DENND2C: variants seen among roughly 807,000 people sequenced by gnomAD.
The protein encoded by DENND2C is DENN domain-containing protein 2C.
DENND2C carries 72 observed loss-of-function variants against 112.4 expected under a neutral mutation model. That is an observed-to-expected ratio of 0.64 (90% CI 0.53 to 0.78). The LOEUF is 0.78. Ranked by LOEUF, DENND2C falls within the 30% of genes least tolerant of loss-of-function variation. The probability of loss-of-function intolerance (pLI) is 0.00; values close to 1 mark genes in which losing one functional copy is unlikely to be tolerated. For missense variants in DENND2C, 992 were observed against 1,113.8 expected, an observed-to-expected ratio of 0.89 and a Z score of 1.56; for synonymous variants, 329 against 381.6, an observed-to-expected ratio of 0.86 and a Z score of 1.61.
At chr1:114,658,555 T>C (rs1300758296) in intron 1 of DENND2C, among the ~76,000 whole-genome samples, 2 of 152,090 alleles carry the variant, frequency 1.3e-5, no homozygotes, top group Non-Finnish European at 2.9e-5. Flanking sequence ...GAAGACAACA[T>C]TTATTTGAAA....
chr1:114,661,906 C>T (rs915386334), intron 1 of DENND2C, among the ~76,000 whole-genome samples: 6 of 152,140 alleles, frequency 3.9e-5, no homozygotes, highest in Non-Finnish European at 7.4e-5. Flanking sequence ...TTTGGTTCAA[C>T]GACTCACCAT....
intron 1 of DENND2C, among the ~76,000 whole-genome samples, chr1:114,657,744 A>G (rs1657374419): frequency 6.6e-6 from 1 of 152,240 alleles, no homozygotes; most frequent in African/African-American, 2.4e-5. Flanking sequence ...GAGTTTATCC[A>G]AATAGACGAA....
At chr1:114,637,248 AGTCC>A (rs1656682130) in intron 3 of DENND2C, among the ~76,000 whole-genome samples, 1 of 150,734 alleles carries the variant, frequency 6.6e-6, no homozygotes, top group African/African-American at 2.4e-5. Context: ...GAGTAGCTGT[AGTCC>A]CAGCTACTCA....
chr1:114,649,761 A>G (rs1462353435), intron 2 of DENND2C, among the ~76,000 whole-genome samples: 2 of 152,280 alleles, frequency 1.3e-5, no homozygotes, highest in South Asian at 2.1e-4. Flanking sequence ...AATCATTACT[A>G]AAGTATTCAA....
chr1:114,587,795 G>A lies in DENND2C; in HGVS notation c.2589C>T (p.His863=), dbSNP rs1354456816. 3.1e-6 allele frequency: 5 copies of A among 1,614,030 alleles called. No homozygotes were observed. The highest frequency in any genetic ancestry group is 1.3e-5 in the African/African-American group (1 of 74,912). Residue 863 remains histidine (H), a synonymous_variant, in exon 19 of 21, where the codon CAC becomes CAT. Coordinates refer to ENST00000393274, the MANE Select transcript of DENND2C (RefSeq NM_001256404.2). ...RKSHTSRSVR[H]FLDLFMETQM... is the part of the protein sequence containing the mutation. The stretch of plus-strand genomic sequence containing the variant: ...GAGTTTCCATGAAGAGATCCAGGAA[G>A]TGGCGTACACTTCGGGAGGTGTGGG...
At chr1:114,620,950 T>C (rs556937722) in intron 7 of DENND2C, among the ~76,000 whole-genome samples, 1 of 152,318 alleles carries the variant, frequency 6.6e-6, no homozygotes, top group East Asian at 1.9e-4. Flanking sequence ...TGAACACATA[T>C]AGCTAATTCA....
intron 1 of DENND2C, among the ~76,000 whole-genome samples, chr1:114,655,875 T>C (rs1277457782): frequency 2.2e-4 from 11 of 49,166 alleles, no homozygotes; most frequent in African/African-American, 7.3e-4. Flanking sequence ...TTTATATATA[T>C]ATGTATAAAT....
intron 16 of DENND2C, among the ~76,000 whole-genome samples, chr1:114,598,138 T>C (rs924749985): frequency 4.6e-5 from 7 of 152,214 alleles, no homozygotes; most frequent in African/African-American, 1.4e-4. Flanking sequence ...TATATACCCA[T>C]TGAACTGCAT....
In DENND2C at chr1:114,611,094, C is replaced by G. The variant is rs1463878971; in HGVS notation, c.1348G>C (p.Asp450His). The G allele has an allele frequency of 6.2e-7, 1 of 1,614,182 alleles. No individual in the cohort carries two copies. Residue 450 changes from aspartate to histidine, a missense_variant, in exon 9 of 21, where the codon GAT becomes CAT. Physicochemically the swap from Asp to His is moderately conservative, Grantham distance 81. Transcript: ENST00000393274. Reference protein sequence around the residue: ...TKGETSGNESDAEYLPKNRHK... With the variant: ...TKGETSGNESHAEYLPKNRHK... ...TCACTCTTTGGCAGATACTCGGCAT[C>G]ACTTTCGTTCCCACTGGTTTCACCT...
intron 3 of DENND2C, among the ~76,000 whole-genome samples, chr1:114,637,983 T>C (rs907392880): frequency 3.3e-5 from 5 of 152,054 alleles, no homozygotes; most frequent in South Asian, 2.1e-4. Context: ...AGAATCTAGA[T>C]TAGCCTAAAT....
chr1:114,651,582 T>C (rs1657167250), intron 2 of DENND2C, among the ~76,000 whole-genome samples: 1 of 151,638 alleles, frequency 6.6e-6, no homozygotes, highest in Non-Finnish European at 1.5e-5. Context: ...CTACTAAAAA[T>C]ACAAAAATTA....
chr1:114,592,035 C>T (rs1276735323), intron 18 of DENND2C, among the ~76,000 whole-genome samples: 1 of 151,998 alleles, frequency 6.6e-6, no homozygotes, highest in African/African-American at 2.4e-5. Context: ...CAGGCGCGTA[C>T]CACCACACCC....
chr1:114,587,626 G>A, intron 19 of DENND2C, 90 bp downstream of exon 19: 1 of 1,424,058 alleles, frequency 7.0e-7, no homozygotes, highest in Non-Finnish European at 9.6e-7. Flanking sequence ...TTAAGCCCTT[G>A]TCGCTTTACA....
Position 114,613,105 on chromosome 1 carries a change from T to A in DENND2C, c.1325-1988A>T, listed in dbSNP as rs546790711. On this transcript the variant is annotated intron_variant, in intron 8 of 20. Coordinates refer to ENST00000393274, the MANE Select transcript of DENND2C (RefSeq NM_001256404.2). ...ATGTAGACACACACACTTTTAAATA[T>A]CCACAGGTTAAATAAAAGGTTAGAA... 4.6e-5 allele frequency among the ~76,000 whole-genome samples: 7 copies of A among 152,306 alleles called. No individual in the cohort carries two copies. In the East Asian group the frequency reaches 1.4e-3, roughly 29 times the overall value.
chr1:114,586,363 T>C (rs1393618050), intron 20 of DENND2C, among the ~76,000 whole-genome samples: 2 of 152,198 alleles, frequency 1.3e-5, no homozygotes, highest in East Asian at 3.8e-4. Context: ...ATTTATATGC[T>C]GTAAATACAT....
chr1:114,608,886 C>T lies in DENND2C; in HGVS notation c.1370-13G>A, dbSNP rs539099193. On this transcript the variant is annotated splice_polypyrimidine_tract_variant and intron_variant, in intron 9 of 20. Transcript: ENST00000393274. ...CGTTTATGGCGATCTGTAATGAAAT[C>T]ATGGAGAAATGTTTTTTTCTCTGTA... The T allele has an allele frequency of 1.9e-6, 3 of 1,613,716 alleles. No individual in the cohort carries two copies. The African/African-American group carries it at 4.0e-5, about 22-fold the overall frequency.
At chr1:114,608,407 G>A (rs562509255) in intron 10 of DENND2C, among the ~76,000 whole-genome samples, 1 of 152,266 alleles carries the variant, frequency 6.6e-6, no homozygotes, top group South Asian at 2.1e-4. Flanking sequence ...CCTCCTTAAG[G>A]ATGAGAAAAC....
At chr1:114,614,147 G>A (rs1655893833) in intron 8 of DENND2C, among the ~76,000 whole-genome samples, 1 of 151,206 alleles carries the variant, frequency 6.6e-6, no homozygotes, top group Non-Finnish European at 1.5e-5. Context: ...TGGGAGGATC[G>A]CTTGAACCCA....
rs1266756093 is a variant in DENND2C, at chr1:114,622,072, C to T, written c.1057-7G>A. ...ACTGAGGTTTTGGAGGGAGCTAAAA[C>T]AGGAGAAGATGTACTGGTAAGATCA... On this transcript the variant is annotated splice_polypyrimidine_tract_variant and splice_region_variant and intron_variant, in intron 6 of 20. Coordinates refer to ENST00000393274, the MANE Select transcript of DENND2C (RefSeq NM_001256404.2). 1.3e-6 allele frequency: 2 copies of T among 1,527,020 alleles called. No individual in the cohort carries two copies. The highest frequency in any genetic ancestry group is 4.9e-5 in the East Asian group (2 of 40,796). The allele number at this position is 1,527,020 out of a possible 1,614,324, so 94.6% of individuals were successfully genotyped here. A position where few individuals can be genotyped will look rare whatever the true frequency, so the allele number is the denominator to read the frequency against.
Sources: allele counts gnomAD v4.1 joint callset (sites outside exome capture counted in the v4.1 genomes callset), GRCh38; gene constraint gnomAD v4.1.1; transcripts MANE v1.5; gene names NCBI Gene and HGNC (gene_info 2026-07-23, HGNC 2026-07-21).